The following FGD6 variants were observed in gnomAD, a reference collection of about 807,000 sequenced individuals.
FGD6 encodes the protein FYVE, RhoGEF and PH domain containing 6.
FGD6 carries 90 observed loss-of-function variants against 149.4 expected under a neutral mutation model. That is an observed-to-expected ratio of 0.60 (90% CI 0.51 to 0.72). The LOEUF is 0.72. Ranked by LOEUF, FGD6 falls within the 30% of genes least tolerant of loss-of-function variation. FGD6 has a pLI of 0.00. For synonymous variants in FGD6, 527 were observed against 584.0 expected (o/e 0.90, Z 1.41); for missense variants, 1,437 against 1,684.8 (o/e 0.85, Z 2.57).
intron 14 of FGD6, among the ~76,000 whole-genome samples, chr12:95,103,841 C>A (rs1042795677): frequency 6.6e-6 from 1 of 152,162 alleles, no homozygotes; most frequent in African/African-American, 2.4e-5. Context: ...CAGCCCATAA[C>A]AATGGACTTA....
intron 2 of FGD6, among the ~76,000 whole-genome samples, chr12:95,179,530 T>C (rs1881220602): frequency 6.6e-6 from 1 of 152,020 alleles, no homozygotes; most frequent in African/African-American, 2.4e-5. Flanking sequence ...ACCAAAATCA[T>C]AATCAGTACC....
At chr12:95,188,036 T>G (rs1173309095) in intron 2 of FGD6, among the ~76,000 whole-genome samples, 2 of 152,224 alleles carry the variant, frequency 1.3e-5, no homozygotes, top group Non-Finnish European at 2.9e-5. Context: ...TGCTTAATAA[T>G]GATCACATTG....
intron 11 of FGD6, among the ~76,000 whole-genome samples, 189 bp from the exon 12 acceptor site, chr12:95,107,820 A>G (rs572537342): frequency 6.6e-6 from 1 of 152,282 alleles, no homozygotes; most frequent in African/African-American, 2.4e-5. Context: ...ACAAGCAAGC[A>G]GGGTTGGATA....
At chr12:95,097,226 A>T (rs572297314) in intron 14 of FGD6, among the ~76,000 whole-genome samples, 81 of 152,204 alleles carry the variant, frequency 5.3e-4, no homozygotes, top group Non-Finnish European at 2.2e-4. Flanking sequence ...CATCTTCTTC[A>T]AACTGAAAAA....
At chr12:95,203,773 AAAC>A (rs1343505618) in intron 2 of FGD6, among the ~76,000 whole-genome samples, 1 of 152,224 alleles carries the variant, frequency 6.6e-6, no homozygotes, top group Non-Finnish European at 1.5e-5. Context: ...GAACAAATTG[AAAC>A]AACACAGGAA....
chr12:95,175,245 T>A lies in FGD6; in HGVS notation c.2442-2501A>T, dbSNP rs114254191. Among the ~76,000 whole-genome samples the A allele has an allele frequency of 2.6e-3, 389 of 152,344 alleles. 3 individuals are homozygous for A. The highest frequency in any genetic ancestry group is 8.7e-3 in the African/African-American group (363 of 41,582). The stretch of plus-strand genomic sequence containing the variant: ...TAGACTTGTTTCCCTCATTAAAATG[T>A]AAATTTCCAAAGACAAGGAAATTGA... On this transcript the variant is annotated intron_variant, in intron 2 of 20. Coordinates refer to ENST00000343958, the MANE Select transcript of FGD6 (RefSeq NM_018351.4).
chr12:95,101,326 G>C (rs1878423622), intron 14 of FGD6, among the ~76,000 whole-genome samples: 1 of 152,108 alleles, frequency 6.6e-6, no homozygotes, highest in Non-Finnish European at 1.5e-5. Flanking sequence ...CTGGGCAACA[G>C]AGCGAGACTC....
At chr12:95,091,125 C>T (rs962866058) in intron 17 of FGD6, among the ~76,000 whole-genome samples, 3 of 152,120 alleles carry the variant, frequency 2.0e-5, no homozygotes, top group South Asian at 4.1e-4. Flanking sequence ...TTAGATCCTA[C>T]AGGTTTCAGG....
chr12:95,157,981 G>A (rs1444186513), intron 3 of FGD6, among the ~76,000 whole-genome samples: 1 of 151,926 alleles, frequency 6.6e-6, no homozygotes, highest in Non-Finnish European at 1.5e-5. Context: ...CCGAGTAGCT[G>A]GAACTACAGG....
chr12:95,113,482 C>T lies in FGD6; in HGVS notation c.3133+169G>A, dbSNP rs138752892. On this transcript the variant is annotated intron_variant, in intron 9 of 20. Transcript: ENST00000343958. ...AACTCTTGACCTCAGGTGATCTACC[C>T]GCCTCGGCCTCCCAAACTGCTGGGA... 6.4e-3 allele frequency among the ~76,000 whole-genome samples: 980 copies of T among 151,980 alleles called. 17 individuals carry two copies. The highest frequency in any genetic ancestry group is 0.021 in the African/African-American group (870 of 41,446).
intron 3 of FGD6, among the ~76,000 whole-genome samples, chr12:95,162,417 C>T (rs1365608205): frequency 2.0e-5 from 3 of 152,108 alleles, no homozygotes; most frequent in Non-Finnish European, 4.4e-5. Context: ...GTCCCAGCTA[C>T]TTGGGAGGCT....
intron 19 of FGD6, 136 bp from the exon 20 acceptor site, chr12:95,084,782 T>C (rs1877804708): frequency 5.0e-6 from 3 of 601,166 alleles, no homozygotes; most frequent in Non-Finnish European, 7.4e-6. Flanking sequence ...AACAACTTAC[T>C]CACTTCTCAT....
intron 9 of FGD6, among the ~76,000 whole-genome samples, chr12:95,111,615 C>A (rs74687215): frequency 1.3e-5 from 2 of 152,214 alleles, no homozygotes; most frequent in African/African-American, 2.4e-5. Context: ...CAAAGCTTCC[C>A]TGCCTCTTTA....
rs1246246635 is a variant in FGD6 at position 95,209,620 on chromosome 12, A to G, written c.1664T>C (p.Phe555Ser). The G allele has an allele frequency of 6.2e-7, 1 of 1,613,870 alleles. No individual in the cohort carries two copies. Among genetic ancestry groups the G allele is most frequent in the Admixed American group, 1.7e-5 (1 of 59,958 alleles). The change falls in exon 2 of 21, where the codon TTT becomes TCT. Residue 555 changes from phenylalanine (F) to serine (S), a missense_variant. By Grantham distance (155) the Phe-to-Ser change is radical. Around this residue, in one of 2 missense-constraint regions of FGD6, gnomAD observed 1,055 missense variants for 1,146.0 expected, o/e 0.92. Coordinates refer to ENST00000343958, the MANE Select transcript of FGD6 (RefSeq NM_018351.4). Reference sequence around the variant, plus strand: ...TTCTGAAGCCCGTTTAGGCATATCAAAGGAGGATGACACACCACGGTTTTG... The same window carrying G: ...TTCTGAAGCCCGTTTAGGCATATCAGAGGAGGATGACACACCACGGTTTTG... ...CAQNRGVSSS[F>S]DMPKRASEKP...
At chr12:95,093,506 C>A (rs1878135101) in intron 15 of FGD6, among the ~76,000 whole-genome samples, 1 of 151,824 alleles carries the variant, frequency 6.6e-6, no homozygotes, top group Non-Finnish European at 1.5e-5. Context: ...ATGGAGAAAC[C>A]CTGTCTCTAC....
chr12:95,122,543 G>A (rs180800860), intron 8 of FGD6, among the ~76,000 whole-genome samples: 7 of 150,648 alleles, frequency 4.6e-5, no homozygotes, highest in Non-Finnish European at 8.8e-5. Context: ...CTACTCGGGA[G>A]GCTCAGGTGC....
chr12:95,164,524 G>A (rs542499116), intron 3 of FGD6, among the ~76,000 whole-genome samples: 2 of 151,898 alleles, frequency 1.3e-5, no homozygotes, highest in South Asian at 2.1e-4. Flanking sequence ...TCCACCTCCC[G>A]GGTTCAAGCA....
chr12:95,094,143 G>A (rs1445818669), intron 15 of FGD6, among the ~76,000 whole-genome samples: 3 of 150,728 alleles, frequency 2.0e-5, no homozygotes, highest in African/African-American at 7.3e-5. Flanking sequence ...TGGGCAATAA[G>A]AGTGAAATTC....
intron 3 of FGD6, among the ~76,000 whole-genome samples, chr12:95,168,743 A>G (rs1880899287): frequency 6.6e-6 from 1 of 152,174 alleles, no homozygotes; most frequent in Non-Finnish European, 1.5e-5. Flanking sequence ...ACAGTGTATA[A>G]TCACTTAATA....
Sources: gnomAD v4.1 joint callset for allele counts (sites outside exome capture counted in the v4.1 genomes callset) on GRCh38, gnomAD v4.1.1 for gene constraint, gnomAD v4.1.1 regional missense constraint, MANE v1.5 for transcripts, NCBI Gene and HGNC (gene_info 2026-07-23, HGNC 2026-07-21) for gene names.